Variants in RYR2 observed in about 807,000 individuals in gnomAD.
RYR2 encodes ryanodine receptor 2, also known as cardiac muscle ryanodine receptor-calcium release channel.
In RYR2, 227 loss-of-function variants were observed where a neutral mutation model predicts 601.1. That is an observed-to-expected ratio of 0.38 (90% confidence interval 0.34 to 0.42). The LOEUF is 0.42. Among genes scored for constraint, RYR2 ranks in the 10% least tolerant of loss-of-function variants. RYR2 has a pLI of 1.00. For missense variants in RYR2, 4,646 were observed against 6,156.5 expected, an observed-to-expected ratio of 0.75 and a Z score of 8.21; for synonymous variants, 2,223 against 2,175.1, an observed-to-expected ratio of 1.02 and a Z score of -0.61.
At chr1:237,669,159 C>T (rs563206015) in intron 58 of RYR2, among the ~76,000 whole-genome samples, 1 of 139,424 alleles carries the variant, frequency 7.2e-6, no homozygotes, top group South Asian at 2.5e-4. Context: ...CCTGAGTGGA[C>T]ACAATACATG....
chr1:237,643,420 G>C lies in RYR2; in HGVS notation c.7315G>C (p.Ala2439Pro). 1.2e-6 allele frequency: 2 copies of C among 1,613,754 alleles called. No homozygotes were observed. Among genetic ancestry groups the C allele is most frequent in the Non-Finnish European group, 1.7e-6 (2 of 1,179,820 alleles). ...LGDLVGVISI[A>P]FQMPTIAKDG... is the part of the protein sequence containing the mutation. ...AGATTTGGTGGGCGTTATCAGCATC[G>C]CTTTTCAGATGCCAACAATAGCCAA... Residue 2439 changes from alanine (A) to proline (P), a missense_variant, in exon 48 of 105, where the codon GCT becomes CCT. Physicochemically the swap from Ala to Pro is conservative, Grantham distance 27. This residue lies in a region of RYR2 where 1,497 missense variants were observed against 1,842.6 expected (regional missense o/e 0.81). Coordinates refer to ENST00000366574, the MANE Select transcript of RYR2 (RefSeq NM_001035.3).
At chr1:237,639,299 T>C (rs1681206749) in intron 46 of RYR2, 98 bp downstream of exon 46, 7 of 1,172,670 alleles carry the variant, frequency 6.0e-6, no homozygotes, top group Non-Finnish European at 8.1e-6. Flanking sequence ...ATATAACTTG[T>C]GGTACAGAAG....
At chr1:237,242,443 C>T (rs1686293390) in intron 1 of RYR2, among the ~76,000 whole-genome samples, 1 of 151,926 alleles carries the variant, frequency 6.6e-6, no homozygotes, top group African/African-American at 2.4e-5. Flanking sequence ...TTTAGGATAA[C>T]TAAATGCAAG....
chr1:237,468,049 G>A (rs1164540299), intron 16 of RYR2, among the ~76,000 whole-genome samples: 2 of 151,844 alleles, frequency 1.3e-5, no homozygotes, highest in African/African-American at 4.8e-5. Context: ...TATTAGAGAT[G>A]GGGTTTCACT....
chr1:237,229,741 T>C (rs1476598476), intron 1 of RYR2, among the ~76,000 whole-genome samples: 5 of 152,164 alleles, frequency 3.3e-5, no homozygotes, highest in Non-Finnish European at 7.4e-5. Flanking sequence ...TTATTTTTTC[T>C]TGATCAAAAC....
intron 96 of RYR2, among the ~76,000 whole-genome samples, chr1:237,795,854 A>ATATATATG (rs1659094710): frequency 8.0e-6 from 1 of 125,120 alleles, no homozygotes; most frequent in Non-Finnish European, 1.7e-5. Flanking sequence ...ATATATGTAT[A>ATATATATG]TGTATATATA....
chr1:237,145,291 G>A (rs1388671851), intron 1 of RYR2, among the ~76,000 whole-genome samples: 1 of 151,844 alleles, frequency 6.6e-6, no homozygotes, highest in Non-Finnish European at 1.5e-5. Context: ...TTTGCAATTA[G>A]CATTGTTTCT....
intron 29 of RYR2, among the ~76,000 whole-genome samples, chr1:237,577,551 T>TAGAGA: frequency 7.7e-6 from 1 of 129,528 alleles, no homozygotes; most frequent in Non-Finnish European, 1.7e-5. Context: ...TGTGTGTGTT[T>TAGAGA]GAGAGAGAGA....
At chr1:237,709,386 G>C in intron 69 of RYR2, 94 bp from the exon 70 acceptor site, 2 of 818,982 alleles carry the variant, frequency 2.4e-6, no homozygotes, top group East Asian at 2.7e-5. Context: ...TGAGCTCTGT[G>C]GTCAGTACAT....
chr1:237,291,435 G>A (rs535976036), intron 2 of RYR2, among the ~76,000 whole-genome samples: 11 of 152,192 alleles, frequency 7.2e-5, no homozygotes, highest in Middle Eastern at 3.4e-3. Context: ...ACAGTCCTTG[G>A]TATTTACCCA....
chr1:237,695,728 T>G (rs1687364947), intron 63 of RYR2, among the ~76,000 whole-genome samples: 1 of 152,238 alleles, frequency 6.6e-6, no homozygotes, highest in African/African-American at 2.4e-5. Flanking sequence ...TATTTTAGGC[T>G]TCTTACACAT....
chr1:237,624,965 G>A (rs1043595773), intron 39 of RYR2, among the ~76,000 whole-genome samples: 2 of 105,242 alleles, frequency 1.9e-5, no homozygotes, highest in Non-Finnish European at 3.8e-5. Context: ...TATACTACAT[G>A]TGTGTGTACA....
chr1:237,125,508 A>T (rs1571927453), intron 1 of RYR2, among the ~76,000 whole-genome samples: 2 of 152,342 alleles, frequency 1.3e-5, no homozygotes, highest in South Asian at 4.1e-4. Flanking sequence ...AAACGCTTTA[A>T]CATACTTTAC....
intron 1 of RYR2, among the ~76,000 whole-genome samples, chr1:237,084,844 C>A (rs1666130178): frequency 6.6e-6 from 1 of 152,226 alleles, no homozygotes. Context: ...TGTGCCCATG[C>A]AGGAAGCATG....
intron 48 of RYR2, among the ~76,000 whole-genome samples, chr1:237,646,928 GT>G (rs1682223245): frequency 1.3e-5 from 2 of 152,178 alleles, no homozygotes; most frequent in African/African-American, 4.8e-5. Context: ...TGAGTCTTGA[GT>G]TACAGGCAGA....
intron 40 of RYR2, 110 bp from the exon 41 acceptor site, chr1:237,627,697 T>C: frequency 2.6e-6 from 3 of 1,140,154 alleles, no homozygotes; most frequent in Non-Finnish European, 3.6e-6. Context: ...TTTTCAAGCC[T>C]GGTACAAATA....
intron 4 of RYR2, among the ~76,000 whole-genome samples, chr1:237,362,942 G>A (rs936079212): frequency 2.0e-5 from 3 of 152,012 alleles, no homozygotes; most frequent in Admixed American, 6.6e-5. Flanking sequence ...TAGCAATGCC[G>A]AATAGCAGAC....
chr1:237,319,293 G>C (rs536770940), intron 2 of RYR2, among the ~76,000 whole-genome samples: 18 of 152,082 alleles, frequency 1.2e-4, no homozygotes, highest in Non-Finnish European at 2.4e-4. Flanking sequence ...AAATGCCTTT[G>C]TCAAGGCACT....
intron 1 of RYR2, among the ~76,000 whole-genome samples, chr1:237,127,837 C>T (rs1216423820): frequency 6.6e-6 from 1 of 151,428 alleles, no homozygotes; most frequent in Non-Finnish European, 1.5e-5. Context: ...GGCGGCTGGG[C>T]AGAGGTGCTC....
Sources: gnomAD v4.1 joint callset for allele counts (sites outside exome capture counted in the v4.1 genomes callset) on GRCh38, gnomAD v4.1.1 for gene constraint, gnomAD v4.1.1 regional missense constraint, MANE v1.5 for transcripts, NCBI Gene and HGNC (gene_info 2026-07-23, HGNC 2026-07-21) for gene names.